The following ZNF500 variants were observed in gnomAD, a reference collection of about 807,000 sequenced individuals.
ZNF500 encodes the protein zinc finger protein with KRAB and SCAN domains 18.
Under a neutral mutation model 30.1 loss-of-function variants are expected in ZNF500, and 31 were observed. The ratio of observed to expected loss-of-function variants is 1.03; its 90% CI spans 0.77 to 1.39. The LOEUF (loss-of-function observed/expected upper bound fraction) is 1.39, where lower values mean the gene tolerates loss of function less well. ZNF500 is among the 40% of genes most tolerant of loss of function. ZNF500 has a pLI of 0.00. For missense variants in ZNF500, 817 were observed against 657.8 expected, an observed-to-expected ratio of 1.24 and a Z score of -2.65; for synonymous variants, 392 against 282.0, an observed-to-expected ratio of 1.39 and a Z score of -3.91.
In ZNF500 at chr16:4,753,451, G is replaced by A. The variant is rs143098903; in HGVS notation, c.761-393C>T. On this transcript the variant is annotated intron_variant, in intron 5 of 5. Coordinates refer to ENST00000219478, the MANE Select transcript of ZNF500 (RefSeq NM_021646.4). ...CATTCCAGCCCGGGTGACGGCATGA[G>A]ACCCTGTTTCAAAAACTAAACAATC... Among the ~76,000 whole-genome samples the A allele has an allele frequency of 1.6e-4, 25 of 152,316 alleles. 1 individual carries two copies. The highest frequency in any genetic ancestry group is 5.8e-4 in the African/African-American group (24 of 41,572).
intron 4 of ZNF500, 44 bp downstream of exon 4, chr16:4,762,226 CG>C: frequency 6.3e-7 from 1 of 1,594,772 alleles, no homozygotes; most frequent in Non-Finnish European, 8.5e-7. Context: ...CACAGGAGGT[CG>C]GGCCAGACCC....
rs115467784 is a variant in ZNF500, at chr16:4,760,047, C to T, written c.760+445G>A. ...GAGCAAAAATCCATCTCAAAACAAA[C>T]AAGCAAACAAAAAACCAGAAAAGGC... On this transcript the variant is annotated intron_variant, in intron 5 of 5. Transcript: ENST00000219478. Among the ~76,000 whole-genome samples the T allele has an allele frequency of 4.4e-3, 676 of 152,180 alleles. 5 individuals are homozygous for T. Among genetic ancestry groups the T allele is most frequent in the African/African-American group, 0.016 (646 of 41,526 alleles).
At chr16:4,746,558 G>A (rs977224579), downstream of ZNF500, 12 of 1,582,240 alleles carry the variant, frequency 7.6e-6, no homozygotes, top group Non-Finnish European at 9.5e-6. Context: ...ACTTTGCAGA[G>A]TTGCCTGTTG....
chr16:4,752,499 C>T lies in ZNF500; in HGVS notation c.1320G>A (p.Pro440=), dbSNP rs139267686. ...CCCGGCGGAAGCCCCGGCCACAGGCCGGGCAGGTGTAGGGCTTCTCACCTG... is the reference window on the plus strand; with the variant it reads ...CCCGGCGGAAGCCCCGGCCACAGGCTGGGCAGGTGTAGGGCTTCTCACCTG... ...THTGEKPYTC[P]ACGRGFRRGT... The change falls in exon 6 of 6, where the codon CCG becomes CCA. Residue 440 remains proline (P), a synonymous_variant. Transcript: ENST00000219478. 53 of 1,552,598 alleles carry T rather than the reference C, an allele frequency of 3.4e-5. No homozygotes were observed. In the East Asian group the frequency reaches 7.2e-4, roughly 21 times the overall value.
intron 5 of ZNF500, among the ~76,000 whole-genome samples, chr16:4,755,393 T>C (rs965512814): frequency 1.3e-5 from 2 of 152,226 alleles, no homozygotes; most frequent in East Asian, 3.8e-4. Flanking sequence ...CTCCGCTCAC[T>C]GTAACCTCTG....
rs368468274 is a variant in ZNF500, at chr16:4,760,474, C to G, written c.760+18G>C. 9 of 1,612,122 alleles carry G rather than the reference C, an allele frequency of 5.6e-6. No homozygotes were observed. The highest frequency in any genetic ancestry group is 6.8e-6 in the Non-Finnish European group (8 of 1,178,800). On this transcript the variant is annotated intron_variant, in intron 5 of 5. Transcript: ENST00000219478. ...TTTTTGGCAAGCCCCCTAGAGGACA[C>G]AATCACTTGCAAGTTACCTTCATTC...
Position 4,765,838 on chromosome 16 carries a change from CT to C in ZNF500, c.140del (p.Glu47GlyfsTer22). On this transcript the variant is annotated frameshift_variant, in exon 2 of 6. Transcript: ENST00000219478. LOFTEE classifies it high-confidence loss of function. ...PSVETEDPSP[E>X]TFRQLFRLFC... ...AGAGCCGGAAGAGCTGGCGGAAAGT[CT>C]CAGGGCTGGGGTCCTCCGTCTCCAC... The C allele has an allele frequency of 6.2e-7, 1 of 1,613,784 alleles. No homozygotes were observed. Among genetic ancestry groups the C allele is most frequent in the Non-Finnish European group, 8.5e-7 (1 of 1,180,022 alleles).
At chr16:4,762,492 C>A in intron 3 of ZNF500, 81 bp downstream of exon 3, 1 of 1,532,722 alleles carries the variant, frequency 6.5e-7, no homozygotes, top group Admixed American at 1.9e-5. Context: ...AGGCCTCTGC[C>A]CTGGCCACAG....
chr16:4,747,122 C>A, downstream of ZNF500: 2 of 1,278,328 alleles, frequency 1.6e-6, no homozygotes, highest in African/African-American at 1.5e-5. Flanking sequence ...GTGGTGAGGT[C>A]TTGCTGCACC....
rs1344893949 is a variant in ZNF500 at position 4,750,663 on chromosome 16, T to A, written c.*1713A>T. 2.0e-5 allele frequency: 3 copies of A among 152,014 alleles called. No homozygotes were observed. Among genetic ancestry groups the A allele is most frequent in the African/African-American group, 7.3e-5 (3 of 41,332 alleles). The allele number at this position is 152,014 out of a possible 1,614,324, so 9.4% of individuals were successfully genotyped here. On this transcript the variant is annotated 3_prime_UTR_variant, in exon 6 of 6. Transcript: ENST00000219478. Reference sequence around the variant, plus strand: ...GCCACGCCACCATGCCTAGCTAATTTTTGTGTTTTTAGTAGAGATGGGGTT... The same window carrying A: ...GCCACGCCACCATGCCTAGCTAATTATTGTGTTTTTAGTAGAGATGGGGTT...
Position 4,752,927 on chromosome 16 carries a change from C to G in ZNF500, c.892G>C (p.Val298Leu), listed in dbSNP as rs1261751204. The change falls in exon 6 of 6, where the codon GTC becomes CTC. Residue 298 changes from valine to leucine, a missense_variant. By Grantham distance (32) the Val-to-Leu change is conservative. Transcript: ENST00000219478. ...HPLPGQRPAP[V>L]RGLVRPDQPR... Reference sequence around the variant, plus strand: ...TGATCAGGCCTGACCAAGCCCCTGACTGGGGCTGGCCTCTGACCTGGGAGC... The same window carrying G: ...TGATCAGGCCTGACCAAGCCCCTGAGTGGGGCTGGCCTCTGACCTGGGAGC... The G allele has an allele frequency of 6.8e-6, 11 of 1,613,596 alleles. No individual in the cohort carries two copies. Among genetic ancestry groups the G allele is most frequent in the Non-Finnish European group, 9.3e-6 (11 of 1,179,964 alleles).
chr16:4,763,073 G>A (rs1567537395), intron 2 of ZNF500: 8 of 985,438 alleles, frequency 8.1e-6, no homozygotes, highest in Non-Finnish European at 9.6e-6. Context: ...ACTAATTTCA[G>A]AAGTTCACAG....
chr16:4,756,087 C>T (rs1225244590), intron 5 of ZNF500, among the ~76,000 whole-genome samples: 1 of 152,124 alleles, frequency 6.6e-6, no homozygotes, highest in East Asian at 1.9e-4. Flanking sequence ...ACGAGGTTTC[C>T]ATTTAGCATG....
intron 5 of ZNF500, among the ~76,000 whole-genome samples, chr16:4,753,474 A>G (rs977329221): frequency 6.6e-6 from 1 of 152,194 alleles, no homozygotes; most frequent in Admixed American, 6.5e-5. Flanking sequence ...AAACTAAACA[A>G]TCAATAAAAC....
chr16:4,747,717 T>A, downstream of ZNF500: 1 of 1,428,544 alleles, frequency 7.0e-7, no homozygotes, highest in Non-Finnish European at 9.3e-7. Context: ...GTTCCTGCAT[T>A]TCCACTAGCA....
intron 5 of ZNF500, among the ~76,000 whole-genome samples, chr16:4,755,574 C>A (rs1162084826): frequency 6.6e-6 from 1 of 152,218 alleles, no homozygotes; most frequent in Non-Finnish European, 1.5e-5. Flanking sequence ...GCCTTGGCCT[C>A]CCAAAGTGCT....
downstream of ZNF500, chr16:4,746,274 ACT>A: frequency 7.7e-7 from 1 of 1,303,710 alleles, no homozygotes. Context: ...GTGGGCACTC[ACT>A]GGGTGGCAGC....
At chr16:4,763,752 C>G in intron 2 of ZNF500, 1 of 985,322 alleles carries the variant, frequency 1.0e-6, no homozygotes, top group Non-Finnish European at 1.2e-6. Flanking sequence ...CTGTGGTGGC[C>G]AGGAAAGAGG....
rs552419404 is a variant in ZNF500 at position 4,752,692 on chromosome 16, G to C, written c.1127C>G (p.Thr376Arg). Residue 376 changes from threonine to arginine, a missense_variant, in exon 6 of 6, where the codon ACA (threonine) becomes AGA (arginine). By Grantham distance (71) the Thr-to-Arg change is moderately conservative. Transcript: ENST00000219478. ...GGGGCACGGGTAGGGCTTCTCGCCT[G>C]TGTGCACCCTCTGGTGCGTGCTGAA... ...SNFSTHQRVH[T>R]GEKPYPCPEC... 4.3e-6 allele frequency: 7 copies of C among 1,614,176 alleles called. No individual in the cohort carries two copies. In the South Asian group the frequency reaches 7.7e-5, roughly 18 times the overall value.
Sources: gnomAD v4.1 joint callset for allele counts (sites outside exome capture counted in the v4.1 genomes callset) on GRCh38, gnomAD v4.1.1 for gene constraint, MANE v1.5 for transcripts, NCBI Gene and HGNC (gene_info 2026-07-23, HGNC 2026-07-21) for gene names.